Variants in UNC13C observed in about 807,000 individuals in gnomAD.
UNC13C encodes the protein unc-13 homolog C, also known as protein unc-13 homolog C.
A neutral mutation model predicts 245.4 loss-of-function variants in UNC13C; 174 were observed. The observed-to-expected ratio is 0.71, with a 90% confidence interval of 0.63 to 0.80. The LOEUF is 0.80. Ranked by LOEUF, UNC13C falls within the 30% of genes least tolerant of loss-of-function variation. The probability of loss-of-function intolerance (pLI) is 0.00; values close to 1 mark genes in which losing one functional copy is unlikely to be tolerated. For missense variants in UNC13C, 2,829 were observed against 2,602.9 expected (o/e 1.09, Z -1.89); for synonymous variants, 992 against 895.1 (o/e 1.11, Z -1.93).
At position 54,419,317 on chromosome 15, in the gene UNC13C, G is replaced by A. The variant is rs144734103; in HGVS notation, c.4933+4250G>A. Among the ~76,000 whole-genome samples, 768 of 152,192 alleles carry A rather than the reference G, an allele frequency of 5.0e-3. 6 individuals are homozygous for A. The highest frequency in any genetic ancestry group is 0.017 in the African/African-American group (717 of 41,550). On this transcript the variant is annotated intron_variant, in intron 19 of 32. Coordinates refer to ENST00000260323, the MANE Select transcript of UNC13C (RefSeq NM_001080534.3). ...AAAAGTAATCAAATGGAAAGAACAG[G>A]ACTAAACTAACTTCTCAGGCTATGA...
At chr15:54,628,831 G>A (rs948476683), downstream of UNC13C, 1 of 152,112 alleles carries the variant, frequency 6.6e-6, no homozygotes, top group South Asian at 2.1e-4. Context: ...TACACTGCTG[G>A]TGGGAGTGTA....
upstream of UNC13C, among the ~76,000 whole-genome samples, chr15:53,976,477 CT>C (rs10682648): frequency 2.2e-3 from 141 of 63,020 alleles, 2 homozygotes; most frequent in African/African-American, 5.7e-3. Flanking sequence ...CTCTCTCTCT[CT>C]TTTTTTTTTT....
intron 4 of UNC13C, among the ~76,000 whole-genome samples, chr15:54,186,567 T>C (rs201865026): frequency 0.054 from 8,149 of 152,110 alleles, 269 homozygotes; most frequent in East Asian, 0.1. Context: ...CAGTATAATT[T>C]TTCCTCCAAG....
chr15:54,607,812 A>G (rs918369338), intron 30 of UNC13C, among the ~76,000 whole-genome samples: 3 of 152,168 alleles, frequency 2.0e-5, no homozygotes, highest in East Asian at 1.9e-4. Context: ...CACTGTCACA[A>G]GAAAGGCAAG....
chr15:54,396,422 C>A (rs2040071101), intron 18 of UNC13C, among the ~76,000 whole-genome samples: 1 of 151,576 alleles, frequency 6.6e-6, no homozygotes, highest in African/African-American at 2.4e-5. Flanking sequence ...GTTATTTATT[C>A]ATTACAACTA....
chr15:54,339,358 C>G (rs1025988976), intron 17 of UNC13C, among the ~76,000 whole-genome samples: 6 of 152,034 alleles, frequency 3.9e-5, no homozygotes, highest in Admixed American at 2.6e-4. Flanking sequence ...GATTTCGGTG[C>G]ACCCATCACC....
intron 14 of UNC13C, among the ~76,000 whole-genome samples, chr15:54,329,400 A>G (rs2140991106): frequency 6.6e-6 from 1 of 151,858 alleles, no homozygotes. Context: ...GTATTTTTGA[A>G]CCTATTATAG....
chr15:54,548,553 A>C (rs1896596594), intron 27 of UNC13C, among the ~76,000 whole-genome samples: 1 of 152,034 alleles, frequency 6.6e-6, no homozygotes, highest in Non-Finnish European at 1.5e-5. Flanking sequence ...TCAAAGTAGC[A>C]ATTATGGTTT....
chr15:54,445,807 T>C (rs1454955111), intron 19 of UNC13C, among the ~76,000 whole-genome samples: 2 of 152,334 alleles, frequency 1.3e-5, no homozygotes, highest in South Asian at 2.1e-4. Flanking sequence ...TTGGATCCCA[T>C]TTGTCAAGTT....
At chr15:54,119,123 A>G (rs1168572024) in intron 2 of UNC13C, among the ~76,000 whole-genome samples, 1 of 151,902 alleles carries the variant, frequency 6.6e-6, no homozygotes, top group African/African-American at 2.4e-5. Flanking sequence ...TGGTGAAGCC[A>G]TCAGGTCCTG....
At chr15:54,287,479 C>T (rs920480108) in intron 10 of UNC13C, among the ~76,000 whole-genome samples, 25 of 152,104 alleles carry the variant, frequency 1.6e-4, no homozygotes, top group Non-Finnish European at 3.2e-4. Flanking sequence ...CACATTAAGC[C>T]ACAGCTTTAT....
chr15:54,091,530 AT>A (rs1300599041), intron 2 of UNC13C, among the ~76,000 whole-genome samples: 9 of 151,986 alleles, frequency 5.9e-5, no homozygotes, highest in African/African-American at 2.2e-4. Flanking sequence ...TTTATTTGAG[AT>A]TTATTTTCCA....
At chr15:54,418,000 T>G (rs1363199647) in intron 19 of UNC13C, among the ~76,000 whole-genome samples, 1 of 152,138 alleles carries the variant, frequency 6.6e-6, no homozygotes, top group Non-Finnish European at 1.5e-5. Flanking sequence ...GTTGGCTCAC[T>G]GCAACCTCCG....
the UNC13C span, among the ~76,000 whole-genome samples, chr15:53,847,548 T>C: frequency 9.4e-5 from 14 of 149,408 alleles, no homozygotes; most frequent in African/African-American, 3.5e-4. Flanking sequence ...GTATTTTTAG[T>C]AGAGATGAGG....
At chr15:54,632,752 A>C (rs1901478436), downstream of UNC13C, 1 of 152,214 alleles carries the variant, frequency 6.6e-6, no homozygotes, top group Admixed American at 6.5e-5. Context: ...CCTTATCACC[A>C]ATGTGACACT....
intron 2 of UNC13C, chr15:54,048,844 A>T (rs1244216036): frequency 4.0e-6 from 1 of 248,942 alleles, no homozygotes; most frequent in Admixed American, 5.3e-5. Context: ...TTTTTACTGA[A>T]TTCGTTTGTA....
the UNC13C span, among the ~76,000 whole-genome samples, chr15:53,926,944 G>A: frequency 4.6e-3 from 701 of 152,266 alleles, 3 homozygotes; most frequent in Non-Finnish European, 6.6e-3. Context: ...GCTGGATTAC[G>A]GAGGGTTACT....
chr15:54,082,226 T>G (rs1297076660), intron 2 of UNC13C, among the ~76,000 whole-genome samples: 1 of 152,198 alleles, frequency 6.6e-6, no homozygotes, highest in Non-Finnish European at 1.5e-5. Context: ...TGACCTTGGA[T>G]AGCCTGATGA....
chr15:54,304,404 AT>A (rs1299018083), intron 13 of UNC13C, among the ~76,000 whole-genome samples: 1 of 152,080 alleles, frequency 6.6e-6, no homozygotes, highest in Non-Finnish European at 1.5e-5. Context: ...TGATTTAAAA[AT>A]ATTTTTATAT....
Sources: gnomAD v4.1 joint callset for allele counts (sites outside exome capture counted in the v4.1 genomes callset) on GRCh38, gnomAD v4.1.1 for gene constraint, MANE v1.5 for transcripts, NCBI Gene and HGNC (gene_info 2026-07-23, HGNC 2026-07-21) for gene names.